FYB1: variants seen among roughly 807,000 people sequenced by gnomAD.
The protein encoded by FYB1 is FYN-binding protein 1.
A neutral mutation model predicts 94.1 loss-of-function variants in FYB1; 41 were observed. The ratio of observed to expected loss-of-function variants is 0.44; its 90% CI spans 0.34 to 0.57. The LOEUF is 0.57. Among genes scored for constraint, FYB1 ranks in the 20% least tolerant of loss-of-function variants. The pLI is 0.02. For missense variants in FYB1, 1,050 were observed against 976.8 expected (o/e 1.07, Z -1.00); for synonymous variants, 367 against 353.2 (o/e 1.04, Z -0.44).
At chr5:39,138,745 C>A in intron 5 of FYB1, 54 bp from the exon 6 acceptor site, 1 of 1,014,132 alleles carries the variant, frequency 9.9e-7, no homozygotes, top group South Asian at 1.4e-5. Context: ...AAAGTTGACA[C>A]ACATATTACA....
intron 17 of FYB1, among the ~76,000 whole-genome samples, chr5:39,108,548 A>G: frequency 6.6e-6 from 1 of 152,136 alleles, no homozygotes; most frequent in East Asian, 1.9e-4. Flanking sequence ...ACAATGTACT[A>G]AACATCATGG....
chr5:39,236,381 A>G (rs1475026464), intron 1 of FYB1, among the ~76,000 whole-genome samples: 2 of 152,118 alleles, frequency 1.3e-5, no homozygotes, highest in African/African-American at 4.8e-5. Flanking sequence ...TAAGGTATTC[A>G]ATAACTCTGG....
chr5:39,110,848 C>T (rs1191382453), intron 16 of FYB1: 1 of 321,728 alleles, frequency 3.1e-6, no homozygotes, highest in African/African-American at 2.3e-5. Flanking sequence ...CTGTATTCAA[C>T]TCCCCTTTCA....
intron 16 of FYB1, 102 bp downstream of exon 16, chr5:39,118,772 G>A: frequency 1.5e-6 from 1 of 685,636 alleles, no homozygotes; most frequent in Non-Finnish European, 2.2e-6. Context: ...CAAAAAGATA[G>A]ATAAGAGTTA....
intron 2 of FYB1, among the ~76,000 whole-genome samples, chr5:39,162,760 A>G (rs2150378617): frequency 6.6e-6 from 1 of 152,150 alleles, no homozygotes; most frequent in East Asian, 1.9e-4. Flanking sequence ...CTGTTTTACC[A>G]TAACTTCACT....
At chr5:39,265,598 A>C (rs1561318894) in intron 1 of FYB1, among the ~76,000 whole-genome samples, 1 of 152,194 alleles carries the variant, frequency 6.6e-6, no homozygotes, top group Non-Finnish European at 1.5e-5. Context: ...CGGAGGCTGC[A>C]GTGAACCAAG....
At chr5:39,142,417 A>G (rs1742272797) in intron 3 of FYB1, among the ~76,000 whole-genome samples, 1 of 151,938 alleles carries the variant, frequency 6.6e-6, no homozygotes, top group South Asian at 2.1e-4. Flanking sequence ...ACTCATCCTT[A>G]CCTTCTCTCT....
intron 2 of FYB1, among the ~76,000 whole-genome samples, chr5:39,186,978 C>A (rs1046986058): frequency 1.8e-4 from 28 of 152,142 alleles, no homozygotes; most frequent in African/African-American, 6.3e-4. Context: ...GGTACTGGAA[C>A]CCAAGTCTTT....
Position 39,168,007 on chromosome 5 carries a change from T to C in FYB1, c.1136-14403A>G, listed in dbSNP as rs930055001. On this transcript the variant is annotated intron_variant, in intron 2 of 18. Transcript: ENST00000512982. ...CATCACAAACTCACAAAAGACACTTTATAAATGTTAATTCTCTTCCCTTAT... is the reference window on the plus strand; with the variant it reads ...CATCACAAACTCACAAAAGACACTTCATAAATGTTAATTCTCTTCCCTTAT... Among the ~76,000 whole-genome samples, 14 of 152,340 alleles carry C rather than the reference T, an allele frequency of 9.2e-5. No homozygotes were observed. In the East Asian group the frequency reaches 2.7e-3, roughly 29 times the overall value.
At chr5:39,127,657 G>C in intron 11 of FYB1, 84 bp downstream of exon 11, 1 of 1,407,786 alleles carries the variant, frequency 7.1e-7, no homozygotes, top group Middle Eastern at 1.9e-4. Context: ...ACTATTTTCC[G>C]CTTTTTATTT....
intron 1 of FYB1, among the ~76,000 whole-genome samples, chr5:39,243,724 C>T (rs1157129164): frequency 6.6e-6 from 1 of 152,096 alleles, no homozygotes; most frequent in African/African-American, 2.4e-5. Flanking sequence ...CTCTAAATTA[C>T]CTTGGGCAGT....
chr5:39,113,839 T>C (rs1025323823), intron 16 of FYB1, among the ~76,000 whole-genome samples: 3 of 152,074 alleles, frequency 2.0e-5, no homozygotes, highest in Non-Finnish European at 2.9e-5. Flanking sequence ...CAGTGGAAAA[T>C]GCTCATAGTA....
intron 1 of FYB1, among the ~76,000 whole-genome samples, chr5:39,228,444 T>C (rs1239657184): frequency 6.6e-6 from 1 of 152,152 alleles, no homozygotes; most frequent in Non-Finnish European, 1.5e-5. Flanking sequence ...CAAACCAAAA[T>C]GTGTCTACCC....
rs116304352 is a variant in FYB1, at chr5:39,114,202, A to T, written c.2402-3813T>A. On this transcript the variant is annotated intron_variant, in intron 16 of 18. Coordinates refer to ENST00000512982, the MANE Select transcript of FYB1 (RefSeq NM_001465.6). ...TCTTATTCTACATCTTTTGTAGAAA[A>T]TTTTTTTCAGTGACAGGAGGTGGGA... 1.3e-3 allele frequency among the ~76,000 whole-genome samples: 192 copies of T among 152,222 alleles called. 3 individuals carry two copies. Among genetic ancestry groups the T allele is most frequent in the African/African-American group, 4.3e-3 (180 of 41,544 alleles).
chr5:39,167,377 TAG>T (rs1275454665), intron 2 of FYB1, among the ~76,000 whole-genome samples: 2 of 152,326 alleles, frequency 1.3e-5, no homozygotes, highest in East Asian at 3.9e-4. Flanking sequence ...ACAGATAAAG[TAG>T]AGTTTCAGAT....
intron 2 of FYB1, 43 bp downstream of exon 2, chr5:39,201,783 T>C (rs1227741976): frequency 6.5e-7 from 1 of 1,530,516 alleles, no homozygotes; most frequent in Admixed American, 2.0e-5. Flanking sequence ...ATTCTCTGCC[T>C]TGGAGTAAAC....
chr5:39,111,224 T>G (rs1045676069), intron 16 of FYB1, among the ~76,000 whole-genome samples: 1 of 151,962 alleles, frequency 6.6e-6, no homozygotes, highest in African/African-American at 2.4e-5. Flanking sequence ...ATCTTTGGAA[T>G]TGTTAGTTTT....
At chr5:39,256,033 C>T (rs1485225671) in intron 1 of FYB1, among the ~76,000 whole-genome samples, 1 of 152,202 alleles carries the variant, frequency 6.6e-6, no homozygotes, top group South Asian at 2.1e-4. Context: ...ATAGTAAGTG[C>T]TCCGTTAAAT....
At chr5:39,239,849 C>G (rs898214637) in intron 1 of FYB1, among the ~76,000 whole-genome samples, 13 of 152,132 alleles carry the variant, frequency 8.5e-5, no homozygotes, top group African/African-American at 3.1e-4. Context: ...GCCCAAATAG[C>G]CAAAGCAATC....
Sources: gnomAD v4.1 joint callset for allele counts (sites outside exome capture counted in the v4.1 genomes callset) on GRCh38, gnomAD v4.1.1 for gene constraint, MANE v1.5 for transcripts, NCBI Gene and HGNC (gene_info 2026-07-23, HGNC 2026-07-21) for gene names.